The following MAST2 variants were observed in gnomAD, a reference collection of about 807,000 sequenced individuals.
The protein encoded by MAST2 is microtubule associated serine/threonine kinase 2.
MAST2 carries 70 observed loss-of-function variants against 147.4 expected under a neutral mutation model. That is an observed-to-expected ratio of 0.47 (90% confidence interval 0.39 to 0.58). MAST2 has a LOEUF of 0.58. Among genes scored for constraint, MAST2 ranks in the 20% least tolerant of loss-of-function variants. The pLI, the probability that MAST2 is intolerant of heterozygous loss-of-function variation, is 0.00. For synonymous variants in MAST2, 869 were observed against 896.8 expected (o/e 0.97, Z 0.55); for missense variants, 2,080 against 2,302.3 (o/e 0.90, Z 1.98).
chr1:45,917,380 T>A, intron 4 of MAST2: 1 of 1,366,542 alleles, frequency 7.3e-7, no homozygotes, highest in Non-Finnish European at 9.8e-7. Context: ...AACCAGCACA[T>A]GTTTTCACCC....
chr1:45,820,785 C>G (rs569481117), intron 1 of MAST2, among the ~76,000 whole-genome samples: 10 of 142,632 alleles, frequency 7.0e-5, no homozygotes, highest in African/African-American at 2.6e-4. Flanking sequence ...TTGAAGATGC[C>G]TTTTAGGATT....
intron 4 of MAST2, among the ~76,000 whole-genome samples, chr1:45,919,301 G>A (rs1433626292): frequency 6.6e-6 from 1 of 152,120 alleles, no homozygotes; most frequent in Admixed American, 6.5e-5. Context: ...GCAAGTTTTA[G>A]AGGTTGGGGC....
intron 5 of MAST2, among the ~76,000 whole-genome samples, chr1:45,966,394 T>C (rs753647654): frequency 2.5e-4 from 38 of 151,572 alleles, no homozygotes; most frequent in Non-Finnish European, 4.9e-4. Context: ...AATTGCTATA[T>C]TGAATGGTAA....
intron 4 of MAST2, among the ~76,000 whole-genome samples, chr1:45,912,605 T>TA (rs1475345793): frequency 6.6e-6 from 1 of 152,222 alleles, no homozygotes; most frequent in Non-Finnish European, 1.5e-5. Context: ...AACAGTTTGA[T>TA]ACGCTTTGTC....
intron 4 of MAST2, among the ~76,000 whole-genome samples, chr1:45,925,537 G>T (rs1312848086): frequency 6.6e-6 from 1 of 152,184 alleles, no homozygotes; most frequent in Non-Finnish European, 1.5e-5. Flanking sequence ...AAGAGAGGAG[G>T]CAGTTGTGTC....
intron 4 of MAST2, among the ~76,000 whole-genome samples, chr1:45,934,446 A>G (rs1006328206): frequency 6.6e-6 from 1 of 151,742 alleles, no homozygotes; most frequent in Non-Finnish European, 1.5e-5. Flanking sequence ...AGATTGTGCC[A>G]CTGCACTCCA....
intron 5 of MAST2, among the ~76,000 whole-genome samples, chr1:45,968,479 G>T (rs1333718313): frequency 1.9e-4 from 21 of 110,078 alleles, no homozygotes; most frequent in South Asian, 5.5e-4. Context: ...TGGTTTTTTT[G>T]TTGTTTTTTT....
intron 3 of MAST2, among the ~76,000 whole-genome samples, chr1:45,868,837 G>C (rs867419083): frequency 1.3e-5 from 2 of 152,230 alleles, no homozygotes; most frequent in Middle Eastern, 3.4e-3. Context: ...CTGATGACAT[G>C]GATAAAAATG....
At chr1:45,820,443 AAC>A in intron 1 of MAST2, among the ~76,000 whole-genome samples, 1 of 152,314 alleles carries the variant, frequency 6.6e-6, no homozygotes, top group South Asian at 2.1e-4. Flanking sequence ...CTAAATTTAT[AAC>A]AGTCTAGTTT....
At chr1:45,863,365 G>A (rs549083580) in intron 3 of MAST2, among the ~76,000 whole-genome samples, 2 of 152,242 alleles carry the variant, frequency 1.3e-5, no homozygotes, top group African/African-American at 4.8e-5. Flanking sequence ...TTCAGGTCTT[G>A]TGTTTGTTTT....
chr1:45,845,415 C>T (rs984698727), intron 3 of MAST2, among the ~76,000 whole-genome samples: 3 of 151,970 alleles, frequency 2.0e-5, no homozygotes, highest in Admixed American at 6.6e-5. Flanking sequence ...AAACTGTTAA[C>T]AAGACTTAGT....
chr1:45,953,986 A>G (rs955206321), intron 4 of MAST2, among the ~76,000 whole-genome samples: 1 of 152,180 alleles, frequency 6.6e-6, no homozygotes, highest in African/African-American at 2.4e-5. Flanking sequence ...TTACTCTGAA[A>G]TATTATAGCA....
chr1:45,816,528 A>C lies in MAST2; in HGVS notation c.178-7905A>C, dbSNP rs114913364. 3.0e-3 allele frequency among the ~76,000 whole-genome samples: 464 copies of C among 152,308 alleles called. 1 individual carries two copies. The highest frequency in any genetic ancestry group is 0.011 in the African/African-American group (443 of 41,566). ...AAATACAGGATAACACAGATAAGGAAATCAGAATCCCCTAAGGTAACTTCA... is the reference window on the plus strand; with the variant it reads ...AAATACAGGATAACACAGATAAGGACATCAGAATCCCCTAAGGTAACTTCA... On this transcript the variant is annotated intron_variant, in intron 1 of 28. Coordinates refer to ENST00000361297, the MANE Select transcript of MAST2 (RefSeq NM_015112.3).
intron 3 of MAST2, among the ~76,000 whole-genome samples, chr1:45,879,046 T>C (rs1165154404): frequency 6.6e-6 from 1 of 151,978 alleles, no homozygotes; most frequent in Non-Finnish European, 1.5e-5. Context: ...CTGTACAATC[T>C]GACTTTAGGA....
Position 46,023,344 on chromosome 1 carries a change from C to T in MAST2, c.1571+26C>T. 2 of 1,604,408 alleles carry T rather than the reference C, an allele frequency of 1.2e-6. No individual in the cohort carries two copies. Among genetic ancestry groups the T allele is most frequent in the South Asian group, 1.1e-5 (1 of 90,860 alleles). ...GTAAAGGCAGGGGTCAGGGTGTGGC[C>T]AGGACTGAAGCCGGGTCAGCCTTTG... On this transcript the variant is annotated intron_variant, in intron 14 of 28. Coordinates refer to ENST00000361297, the MANE Select transcript of MAST2 (RefSeq NM_015112.3). The surrounding 1 kb of genome is among the most constrained non-coding windows in gnomAD (Gnocchi z 4.9).
chr1:45,809,053 T>G (rs1644218524), intron 1 of MAST2, among the ~76,000 whole-genome samples: 1 of 152,236 alleles, frequency 6.6e-6, no homozygotes, highest in Admixed American at 6.5e-5. Flanking sequence ...TACCTAGGGC[T>G]TAGTATAGTA....
intron 5 of MAST2, among the ~76,000 whole-genome samples, chr1:45,964,034 G>A (rs1223862143): frequency 6.6e-6 from 1 of 152,198 alleles, no homozygotes; most frequent in Non-Finnish European, 1.5e-5. Flanking sequence ...ATTTGCGTAT[G>A]TTGAACCAGC....
intron 12 of MAST2, among the ~76,000 whole-genome samples, chr1:46,022,528 G>T (rs1286293524): frequency 6.6e-6 from 1 of 152,158 alleles, no homozygotes; most frequent in Non-Finnish European, 1.5e-5. Flanking sequence ...GGGCTTCCAA[G>T]TCCCTGGTCT....
rs533031530 is a variant in MAST2 at position 46,006,340 on chromosome 1, C to T, written c.847C>T (p.Pro283Ser). Residue 283 changes from proline (P) to serine (S), a missense_variant, in exon 8 of 29, where the codon CCA becomes TCA. By Grantham distance (74) the Pro-to-Ser change is moderately conservative (BLOSUM62 -1). This residue lies in a region of MAST2 where 569 missense variants were observed against 642.5 expected (regional missense o/e 0.89). Transcript: ENST00000361297. ...GAAGCATTTCAGCACAGAGAGCGTA[C>T]CAGATGAGGAAGGACGGCAGTCCCC... ...LTKHFSTESV[P>S]DEEGRQSPAM... 5.0e-6 allele frequency: 8 copies of T among 1,613,934 alleles called. No homozygotes were observed. In the African/African-American group the frequency reaches 9.3e-5, roughly 19 times the overall value.
Sources: gnomAD v4.1 joint callset for allele counts (sites outside exome capture counted in the v4.1 genomes callset) on GRCh38, gnomAD v4.1.1 for gene constraint, gnomAD v4.1.1 regional missense constraint, Gnocchi (gnomAD v3.1) non-coding constraint, MANE v1.5 for transcripts, NCBI Gene and HGNC (gene_info 2026-07-23, HGNC 2026-07-21) for gene names.